The following SNX7 variants were observed in gnomAD, a reference collection of about 807,000 sequenced individuals.
SNX7 encodes sorting nexin 7, also known as sorting nexin-7.
In SNX7, 35 loss-of-function variants were observed where a neutral mutation model predicts 48.4. The observed-to-expected ratio is 0.72, with a 90% CI of 0.55 to 0.96. The LOEUF is 0.96. Ranked by LOEUF, SNX7 falls within the 40% of genes least tolerant of loss-of-function variation. The probability of loss-of-function intolerance (pLI) is 0.00; values close to 1 mark genes in which losing one functional copy is unlikely to be tolerated. For missense variants in SNX7, 553 were observed against 548.9 expected (o/e 1.01, Z -0.07); for synonymous variants, 190 against 190.2 (o/e 1.00, Z 0.01).
chr1:98,692,673 A>G (rs1325996436), intron 4 of SNX7, among the ~76,000 whole-genome samples: 3 of 152,116 alleles, frequency 2.0e-5, no homozygotes, highest in South Asian at 2.1e-4. Context: ...TATTCACAAC[A>G]CTGGAGCTCA....
intron 1 of SNX7, among the ~76,000 whole-genome samples, chr1:98,680,670 A>G (rs1411832828): frequency 1.3e-5 from 2 of 152,146 alleles, no homozygotes; most frequent in African/African-American, 2.4e-5. Context: ...AAGTTCCACA[A>G]ATCTCTAGGG....
At chr1:98,707,398 G>A (rs1476369755) in intron 7 of SNX7, among the ~76,000 whole-genome samples, 1 of 152,158 alleles carries the variant, frequency 6.6e-6, no homozygotes, top group Admixed American at 6.5e-5. Context: ...TCCTATGAAA[G>A]CCATAATTTT....
At chr1:98,757,588 A>G (rs903690408) in intron 8 of SNX7, among the ~76,000 whole-genome samples, 4 of 152,056 alleles carry the variant, frequency 2.6e-5, no homozygotes, top group African/African-American at 9.7e-5. Context: ...TTTCTGAGGT[A>G]CTAGAATTAG....
intron 6 of SNX7, among the ~76,000 whole-genome samples, chr1:98,699,824 A>T (rs1651658924): frequency 6.6e-6 from 1 of 152,178 alleles, no homozygotes; most frequent in Non-Finnish European, 1.5e-5. Flanking sequence ...TATTGCACAG[A>T]CATTTCAGGC....
rs1654515982 is a variant in SNX7, at chr1:98,750,265, T to TA, written c.1279-9788dup. Reference sequence around the variant, plus strand: ...GTTTCTGTCAACAGTGTGGTGTCATTACCTATGGCGATATCAACTTGTTAT... The same window carrying TA: ...GTTTCTGTCAACAGTGTGGTGTCATTAACCTATGGCGATATCAACTTGTTAT... On this transcript the variant is annotated intron_variant, in intron 8 of 8. Coordinates refer to ENST00000306121, the MANE Select transcript of SNX7 (RefSeq NM_015976.5). 4.6e-5 allele frequency among the ~76,000 whole-genome samples: 7 copies of TA among 152,154 alleles called. No homozygotes were observed. The South Asian group carries it at 1.5e-3, about 32-fold the overall frequency.
At chr1:98,725,551 A>T (rs2101014190) in intron 7 of SNX7, among the ~76,000 whole-genome samples, 1 of 152,346 alleles carries the variant, frequency 6.6e-6, no homozygotes, top group South Asian at 2.1e-4. Flanking sequence ...CTGATCTCTA[A>T]TAAAAAACTA....
In SNX7 at chr1:98,698,575, G is replaced by A. The variant is rs546946194; in HGVS notation, c.839-131G>A. 305 of 806,612 alleles carry A rather than the reference G, an allele frequency of 3.8e-4. 2 individuals are homozygous for A. The South Asian group carries it at 5.4e-3, about 14-fold the overall frequency. The allele number at this position is 806,612 out of a possible 1,614,324, so 50.0% of individuals were successfully genotyped here. ...GTTGATTTAATGAAGGATGATATCC[G>A]TTTTCTTATGTTCTTGTGTAAGAAC... On this transcript the variant is annotated intron_variant, in intron 5 of 8. Coordinates refer to ENST00000306121, the MANE Select transcript of SNX7 (RefSeq NM_015976.5).
chr1:98,667,447 C>G (rs1034222991), intron 1 of SNX7, among the ~76,000 whole-genome samples: 2 of 152,130 alleles, frequency 1.3e-5, no homozygotes, highest in Admixed American at 1.3e-4. Flanking sequence ...GTGATTTTGG[C>G]TCACTGCAAC....
intron 7 of SNX7, among the ~76,000 whole-genome samples, chr1:98,704,082 A>C (rs572508357): frequency 1.3e-5 from 2 of 152,238 alleles, no homozygotes; most frequent in South Asian, 4.1e-4. Context: ...TAAAAAAAAA[A>C]AACACATTAT....
At chr1:98,738,207 C>G (rs773884970) in intron 7 of SNX7, 30 bp from the exon 8 acceptor site, 1 of 1,599,136 alleles carries the variant, frequency 6.3e-7, no homozygotes, top group Non-Finnish European at 8.5e-7. Context: ...ATTCATAGAT[C>G]AATGTATCTC....
At chr1:98,662,111 A>C in intron 1 of SNX7, 200 bp downstream of exon 1, 1 of 436,322 alleles carries the variant, frequency 2.3e-6, no homozygotes, top group Non-Finnish European at 3.8e-6. Flanking sequence ...CGGGGCCTCA[A>C]ACCGCAGCCG....
chr1:98,701,184 T>A (rs1017588960), intron 6 of SNX7, among the ~76,000 whole-genome samples: 5 of 152,164 alleles, frequency 3.3e-5, no homozygotes, highest in African/African-American at 1.2e-4. Context: ...TGCTTTAAGT[T>A]TAAAAACTCT....
intron 1 of SNX7, 26 bp downstream of exon 1, chr1:98,661,937 G>A: frequency 8.0e-7 from 1 of 1,246,578 alleles, no homozygotes; most frequent in Non-Finnish European, 1.0e-6. Context: ...GCGAGTCCCG[G>A]GAAACTTCCA....
chr1:98,676,836 TAGAA>T (rs1650191609), intron 1 of SNX7, among the ~76,000 whole-genome samples: 1 of 152,216 alleles, frequency 6.6e-6, no homozygotes, highest in East Asian at 1.9e-4. Flanking sequence ...TAATTTAACA[TAGAA>T]AGGCTGAATT....
intron 1 of SNX7, among the ~76,000 whole-genome samples, chr1:98,681,624 C>G (rs1650495182): frequency 6.6e-6 from 1 of 152,074 alleles, no homozygotes; most frequent in African/African-American, 2.4e-5. Context: ...TCGAATAGGT[C>G]TATACCATAA....
intron 1 of SNX7, 116 bp downstream of exon 1, chr1:98,662,027 T>A: frequency 9.1e-7 from 1 of 1,096,154 alleles, no homozygotes; most frequent in Non-Finnish European, 1.2e-6. Context: ...GGCTCTGAGC[T>A]GGGGACGAGT....
intron 8 of SNX7, among the ~76,000 whole-genome samples, chr1:98,748,400 A>T (rs1200939830): frequency 6.6e-6 from 1 of 152,142 alleles, no homozygotes; most frequent in Non-Finnish European, 1.5e-5. Flanking sequence ...TAGGTATGAA[A>T]TAGACAGTTA....
chr1:98,678,435 T>A (rs1262356262), intron 1 of SNX7, among the ~76,000 whole-genome samples: 1 of 152,174 alleles, frequency 6.6e-6, no homozygotes, highest in Non-Finnish European at 1.5e-5. Flanking sequence ...CCAAACTATA[T>A]CAGTGTACAT....
intron 5 of SNX7, among the ~76,000 whole-genome samples, chr1:98,696,556 A>C (rs1651471110): frequency 6.6e-6 from 1 of 152,092 alleles, no homozygotes; most frequent in African/African-American, 2.4e-5. Context: ...GTGCTTTATT[A>C]AGAATTGATT....
Sources: allele counts gnomAD v4.1 joint callset (sites outside exome capture counted in the v4.1 genomes callset), GRCh38; gene constraint gnomAD v4.1.1; transcripts MANE v1.5; gene names NCBI Gene and HGNC (gene_info 2026-07-23, HGNC 2026-07-21).